PRX: variants seen among roughly 807,000 people sequenced by gnomAD.
The protein encoded by PRX is periaxin.
A neutral mutation model predicts 29.6 loss-of-function variants in PRX; 24 were observed. The observed-to-expected ratio is 0.81, with a 90% CI of 0.59 to 1.14. PRX has a LOEUF of 1.14. PRX is among the 50% of genes most tolerant of loss of function. PRX has a pLI of 0.00. For synonymous variants in PRX, 772 were observed against 831.7 expected (o/e 0.93, Z 1.24); for missense variants, 1,838 against 1,926.4 (o/e 0.95, Z 0.86).
Position 40,395,640 on chromosome 19 carries a change from G to A in PRX, c.2712C>T (p.Val904=). The change falls in exon 7 of 7, where the codon GTC becomes GTT. Residue 904 remains valine (V), a synonymous_variant. Transcript: ENST00000324001. ...TTTCCACGGCGGGCAGCTGTGGGGT[G>A]ACAATTTCAACAGAGGGCACTCGGA... The part of the protein sequence containing the change: ...VGFRVPSVEI[V]TPQLPAVEIE... 1.9e-6 allele frequency: 3 copies of A among 1,614,166 alleles called. No homozygotes were observed. Among genetic ancestry groups the A allele is most frequent in the African/African-American group, 2.7e-5 (2 of 75,048 alleles).
rs752141290 is a variant in PRX at position 40,397,340 on chromosome 19, C to T, written c.1012G>A (p.Ala338Thr). ...VAAPTVGVDL[A>T]LPGAEVEARG... Reference sequence around the variant, plus strand: ...GCCTCCACCTCTGCACCCGGCAAGGCCAGGTCCACCCCCACAGTCGGTGCT... The same window carrying T: ...GCCTCCACCTCTGCACCCGGCAAGGTCAGGTCCACCCCCACAGTCGGTGCT... The change falls in exon 7 of 7, where the codon GCC becomes ACC. Residue 338 changes from alanine (A) to threonine (T), a missense_variant. Transcript: ENST00000324001. 3.7e-6 allele frequency: 6 copies of T among 1,612,960 alleles called. No individual in the cohort carries two copies. In the Admixed American group the frequency reaches 8.3e-5, roughly 22 times the overall value.
At position 40,397,404 on chromosome 19, in the gene PRX, T is replaced by C; in HGVS notation, c.948A>G (p.Glu316=). The change falls in exon 7 of 7, where the codon GAA becomes GAG. Residue 316 remains glutamate (E), a synonymous_variant. Transcript: ENST00000324001. ...LPTLPCLETR[E]GAVSVVVPTL... ...TGGGCACCACTACCGACACAGCCCC[T>C]TCCCGGGTCTCTAGGCAGGGAAGTG... is the stretch of plus-strand genomic sequence containing the variant. 1 of 1,611,046 alleles carries C rather than the reference T, an allele frequency of 6.2e-7. No individual in the cohort carries two copies. Among genetic ancestry groups the C allele is most frequent in the Non-Finnish European group, 8.5e-7 (1 of 1,179,246 alleles).
chr19:40,406,920 T>C (rs1434682520), intron 4 of PRX, among the ~76,000 whole-genome samples: 6 of 151,790 alleles, frequency 4.0e-5, no homozygotes, highest in Admixed American at 3.3e-4. Flanking sequence ...ACTACAGGTG[T>C]GCACCATCAT....
intron 6 of PRX, 30 bp from the exon 7 acceptor site, chr19:40,398,000 G>A (rs1252215302): frequency 1.3e-6 from 2 of 1,586,984 alleles, no homozygotes; most frequent in East Asian, 2.3e-5. Flanking sequence ...GCAGGAGGCG[G>A]TGGGACAGTG....
Position 40,402,774 on chromosome 19 carries a change from C to CA in PRX, c.184+931dup, listed in dbSNP as rs568158954. On this transcript the variant is annotated intron_variant, in intron 5 of 6. Transcript: ENST00000324001. ...TGGGCAACAGAGCGAGACTCCGTCT[C>CA]AAAAAAAAAAAAAAATCTCTCCCCA... 4.8e-3 allele frequency among the ~76,000 whole-genome samples: 533 copies of CA among 110,498 alleles called. 9 individuals are homozygous for CA. Among genetic ancestry groups the CA allele is most frequent in the East Asian group, 0.024 (94 of 3,908 alleles). 72.5% of individuals were successfully genotyped at this position (110,498 alleles called of 152,430 possible).
In PRX at chr19:40,396,036, T is replaced by G. The variant is rs773671074; in HGVS notation, c.2316A>C (p.Pro772=). 3 of 1,614,016 alleles carry G rather than the reference T, an allele frequency of 1.9e-6. No homozygotes were observed. In the South Asian group the frequency reaches 3.3e-5, roughly 18 times the overall value. The part of the protein sequence containing the change: ...KVPDVHLPKA[P]EVKLPRAPEV... Reference sequence around the variant, plus strand: ...CCGGAGCCCTGGGCAGCTTCACCTCTGGTGCCTTCGGAAGATGCACGTCGG... The same window carrying G: ...CCGGAGCCCTGGGCAGCTTCACCTCGGGTGCCTTCGGAAGATGCACGTCGG... Residue 772 remains proline (P), a synonymous_variant, in exon 7 of 7, where the codon CCA becomes CCC. Transcript: ENST00000324001.
At position 40,397,484 on chromosome 19, in the gene PRX, T is replaced by C; in HGVS notation, c.868A>G (p.Ile290Val). The C allele has an allele frequency of 6.4e-7, 1 of 1,563,810 alleles. No homozygotes were observed. The highest frequency in any genetic ancestry group is 8.6e-7 in the Non-Finnish European group (1 of 1,156,524). ...GGCAGCTCCACCTGGGGGACCTGGATTCCCACGGCTGGGGCCTCCACAGCA... is the reference window on the plus strand; with the variant it reads ...GGCAGCTCCACCTGGGGGACCTGGACTCCCACGGCTGGGGCCTCCACAGCA... The part of the protein sequence containing the change: ...PPAVEAPAVG[I>V]QVPQVELPAL... The change falls in exon 7 of 7, where the codon ATC becomes GTC. Residue 290 changes from isoleucine to valine, a missense_variant. Ile to Val is a conservative substitution (Grantham distance 29). Transcript: ENST00000324001.
rs149715830 is a variant in PRX, at chr19:40,396,778, A to G, written c.1574T>C (p.Val525Ala). The change falls in exon 7 of 7, where the codon GTG becomes GCG. Residue 525 changes from valine to alanine, a missense_variant. Around this residue, in one of 3 missense-constraint regions of PRX, gnomAD observed 29 missense variants for 68.4 expected, o/e 0.42. Transcript: ENST00000324001. ...VRLPEVQLLK[V>A]SEMKLPKVPE... Reference sequence around the variant, plus strand: ...CACCTTTGGGAGTTTCATCTCCGACACTTTCAGCAGCTGTACCTCTGGAAG... The same window carrying G: ...CACCTTTGGGAGTTTCATCTCCGACGCTTTCAGCAGCTGTACCTCTGGAAG... 1,320 of 1,608,936 alleles carry G rather than the reference A, an allele frequency of 8.2e-4. 2 individuals are homozygous for G. The highest frequency in any genetic ancestry group is 1.0e-3 in the Non-Finnish European group (1,218 of 1,176,848).
chr19:40,406,108 G>A (rs1236466492), intron 4 of PRX, among the ~76,000 whole-genome samples: 2 of 151,852 alleles, frequency 1.3e-5, no homozygotes, highest in Non-Finnish European at 2.9e-5. Context: ...TTAGCCAGGC[G>A]TGGTGGTGGG....
chr19:40,398,842 C>A lies in PRX; in HGVS notation c.185-26G>T. The A allele has an allele frequency of 4.3e-6, 7 of 1,613,822 alleles. No homozygotes were observed. In the South Asian group the frequency reaches 6.6e-5, roughly 15 times the overall value. ...CTGCGGGCGAGGTGGAGGTGCGCAG[C>A]ACGTGGGCATCTCCCGGCTCCGCCC... On this transcript the variant is annotated intron_variant, in intron 5 of 6. Transcript: ENST00000324001. This position sits in a 1 kb window ranked among gnomAD's most constrained non-coding sequence, Gnocchi z 6.3.
Position 40,407,991 on chromosome 19 carries a change from A to G in PRX, c.-59T>C. The G allele has an allele frequency of 6.2e-7, 1 of 1,611,588 alleles. No individual in the cohort carries two copies. On this transcript the variant is annotated 5_prime_UTR_variant, in exon 4 of 7. Coordinates refer to ENST00000324001, the MANE Select transcript of PRX (RefSeq NM_181882.3). ...CTGTGTCCTCTCCCCTTTCTGCTGC[A>G]GAACCAGCTTCAGTTCTGCATGGAG...
intron 5 of PRX, among the ~76,000 whole-genome samples, chr19:40,401,992 G>C (rs2079497723): frequency 6.6e-6 from 1 of 151,984 alleles, no homozygotes; most frequent in Non-Finnish European, 1.5e-5. Flanking sequence ...GACCTCAGGT[G>C]ATCAGCCCAC....
chr19:40,397,628 G>A lies in PRX; in HGVS notation c.724C>T (p.Pro242Ser). The change falls in exon 7 of 7, where the codon CCA becomes TCA. Residue 242 changes from proline (P) to serine (S), a missense_variant. Physicochemically the swap from Pro to Ser is moderately conservative, Grantham distance 74. Coordinates refer to ENST00000324001, the MANE Select transcript of PRX (RefSeq NM_181882.3). ...TGGGGGACACCCACCTCCGCCCCTG[G>A]CAGCCGCGGCCCAACCAGCTCCACC... ...PQVELVGPRLPGAEVGVPQVS... is the reference protein window; with the variant it reads ...PQVELVGPRLSGAEVGVPQVS... The A allele has an allele frequency of 6.5e-7, 1 of 1,542,038 alleles. No individual in the cohort carries two copies. The highest frequency in any genetic ancestry group is 8.7e-7 in the Non-Finnish European group (1 of 1,149,310).
chr19:40,414,410 C>T (rs1438170166), upstream of PRX, among the ~76,000 whole-genome samples: 1 of 152,210 alleles, frequency 6.6e-6, no homozygotes, highest in East Asian at 1.9e-4. Context: ...AGGCGTGAGC[C>T]ACCGCGTCCA....
At chr19:40,399,181 C>A (rs1458636905) in intron 5 of PRX, among the ~76,000 whole-genome samples, 2 of 152,108 alleles carry the variant, frequency 1.3e-5, no homozygotes, top group South Asian at 2.1e-4. Context: ...TTACTCCATT[C>A]GCCTTCCTGT....
At chr19:40,407,212 TTGTGTGTGTGTGTGTGTG>T (rs72256185) in intron 4 of PRX, among the ~76,000 whole-genome samples, 38 of 133,892 alleles carry the variant, frequency 2.8e-4, no homozygotes, top group East Asian at 1.3e-3. Flanking sequence ...TTATATGCCC[TTGTGTGTGTGTGTGTGTG>T]TGTGTGTGTG....
In PRX at chr19:40,394,148, G is replaced by C. The variant is rs2079404976; in HGVS notation, c.4204C>G (p.Pro1402Ala). 2 of 1,594,046 alleles carry C rather than the reference G, an allele frequency of 1.3e-6. No homozygotes were observed. The highest frequency in any genetic ancestry group is 1.7e-6 in the Non-Finnish European group (2 of 1,167,274). ...GQEGDAAPKS[P>A]VREKSPKFRF... Reference sequence around the variant, plus strand: ...AACTTGGGTGACTTCTCTCTGACGGGGGACTTGGGGGCTGCATCGCCCTCC... The same window carrying C: ...AACTTGGGTGACTTCTCTCTGACGGCGGACTTGGGGGCTGCATCGCCCTCC... Residue 1402 changes from proline (P) to alanine (A), a missense_variant, in exon 7 of 7, where the codon CCC becomes GCC. Pro to Ala is a conservative substitution (Grantham distance 27). Around this residue, in one of 3 missense-constraint regions of PRX, gnomAD observed 1,143 missense variants for 1,193.0 expected, o/e 0.96. Coordinates refer to ENST00000324001, the MANE Select transcript of PRX (RefSeq NM_181882.3). This position sits in a 1 kb window ranked among gnomAD's most constrained non-coding sequence, Gnocchi z 5.8.
chr19:40,399,899 C>CTTTCTTTCTTTCTTTCTTTCTT (rs1471178794), intron 5 of PRX, among the ~76,000 whole-genome samples: 3 of 67,600 alleles, frequency 4.4e-5, no homozygotes, highest in Non-Finnish European at 8.5e-5. Flanking sequence ...TTCTTTCTTT[C>CTTTCTTTCTTTCTTTCTTTCTT]TTTCTTTTTC....
rs765656415 is a variant in PRX at position 40,395,907 on chromosome 19, T to C, written c.2445A>G (p.Pro815=). 4 of 1,614,210 alleles carry C rather than the reference T, an allele frequency of 2.5e-6. No individual in the cohort carries two copies. The highest frequency in any genetic ancestry group is 3.4e-6 in the Non-Finnish European group (4 of 1,180,044). Residue 815 remains proline (P), a synonymous_variant, in exon 7 of 7, where the codon CCA becomes CCG. Transcript: ENST00000324001. ...TMPKLGRAES[P]SRGKPGEAGA... ...CCGCCTCGCCTGGCTTGCCACGTGA[T>C]GGGGACTCTGCCCTCCCTAGCTTGG...
Sources: allele counts gnomAD v4.1 joint callset (sites outside exome capture counted in the v4.1 genomes callset), GRCh38; gene constraint gnomAD v4.1.1; regional missense constraint gnomAD v4.1.1; non-coding constraint Gnocchi (gnomAD v3.1); transcripts MANE v1.5; gene names NCBI Gene and HGNC (gene_info 2026-07-23, HGNC 2026-07-21).